The following CNTLN variants were observed in gnomAD, a reference collection of about 807,000 sequenced individuals.
The protein encoded by CNTLN is centlein.
CNTLN carries 212 observed loss-of-function variants against 180.0 expected under a neutral mutation model. That is an observed-to-expected ratio of 1.18 (90% CI 1.05 to 1.32). The LOEUF is 1.32. CNTLN is among the 40% of genes most tolerant of loss of function. The probability of loss-of-function intolerance (pLI) is 0.00; values close to 1 mark genes in which losing one functional copy is unlikely to be tolerated. For missense variants in CNTLN, 2,095 were observed against 1,610.9 expected (o/e 1.30, Z -5.14); for synonymous variants, 722 against 563.1 (o/e 1.28, Z -3.99).
intron 18 of CNTLN, 51 bp downstream of exon 18, chr9:17,416,240 A>G (rs1216057971): frequency 3.5e-6 from 5 of 1,439,594 alleles, no homozygotes; most frequent in East Asian, 2.3e-5. Context: ...GTAAAAGTGG[A>G]TATTTTGTTT....
intron 18 of CNTLN, among the ~76,000 whole-genome samples, chr9:17,422,295 C>T (rs112144571): frequency 2.7e-4 from 41 of 151,992 alleles, no homozygotes; most frequent in African/African-American, 7.5e-4. Context: ...TCTTTTTCTG[C>T]TCTTAGGATC....
At chr9:17,154,816 A>C (rs1351037026) in intron 2 of CNTLN, among the ~76,000 whole-genome samples, 1 of 152,212 alleles carries the variant, frequency 6.6e-6, no homozygotes, top group East Asian at 1.9e-4. Flanking sequence ...GGCGGGGCCA[A>C]ATAAGGGAAT....
intron 18 of CNTLN, among the ~76,000 whole-genome samples, chr9:17,454,115 A>ATAT (rs1167238530): frequency 6.6e-6 from 1 of 152,198 alleles, no homozygotes; most frequent in Non-Finnish European, 1.5e-5. Context: ...CTACCACAGG[A>ATAT]TATTATACTG....
intron 5 of CNTLN, among the ~76,000 whole-genome samples, chr9:17,263,151 C>G (rs1425681903): frequency 6.8e-6 from 1 of 147,554 alleles, no homozygotes; most frequent in Admixed American, 6.7e-5. Flanking sequence ...ATTAAGTCGT[C>G]ATTTAGCATT....
chr9:17,507,383 C>G (rs887704576), downstream of CNTLN, among the ~76,000 whole-genome samples: 1 of 152,074 alleles, frequency 6.6e-6, no homozygotes, highest in African/African-American at 2.4e-5. Context: ...TTTCTTTATC[C>G]AATCCACCAT....
At chr9:17,464,228 G>A (rs184651124) in intron 20 of CNTLN, among the ~76,000 whole-genome samples, 73 of 151,146 alleles carry the variant, frequency 4.8e-4, no homozygotes, top group African/African-American at 1.7e-3. Flanking sequence ...TTTCATAAGT[G>A]TTATTAATTT....
At chr9:17,150,424 TTG>T in intron 2 of CNTLN, among the ~76,000 whole-genome samples, 2 of 152,340 alleles carry the variant, frequency 1.3e-5, no homozygotes, top group Middle Eastern at 6.8e-3. Flanking sequence ...TCCCCATTGC[TTG>T]TGTGTGTCAG....
Position 17,416,055 on chromosome 9 carries a change from C to G in CNTLN, c.2980C>G (p.Gln994Glu), listed in dbSNP as rs778767378. The change falls in exon 18 of 26, where the codon CAA becomes GAA. Residue 994 changes from glutamine to glutamate, a missense_variant. Gln to Glu is a conservative substitution (Grantham distance 29). Coordinates refer to ENST00000380647, the MANE Select transcript of CNTLN (RefSeq NM_017738.4). ...AGAACGGATTATATCCTTGCAACAACAAAACAGTGTACTTCAGAATGCCAA... is the reference window on the plus strand; with the variant it reads ...AGAACGGATTATATCCTTGCAACAAGAAAACAGTGTACTTCAGAATGCCAA... ...LRERIISLQQ[Q>E]NSVLQNAKKT... 14 of 1,613,364 alleles carry G rather than the reference C, an allele frequency of 8.7e-6. No homozygotes were observed. The highest frequency in any genetic ancestry group is 4.5e-5 in the East Asian group (2 of 44,780).
intron 18 of CNTLN, among the ~76,000 whole-genome samples, chr9:17,437,964 A>G (rs1829874887): frequency 6.6e-6 from 1 of 152,196 alleles, no homozygotes. Flanking sequence ...AGTTGTGTGC[A>G]TTGAACAAAG....
intron 24 of CNTLN, among the ~76,000 whole-genome samples, chr9:17,484,992 T>C (rs1303216909): frequency 1.3e-5 from 2 of 152,164 alleles, no homozygotes; most frequent in Non-Finnish European, 2.9e-5. Context: ...AAAATACTTC[T>C]GTCTGAGTGA....
chr9:17,418,628 C>T (rs796691928), intron 18 of CNTLN, among the ~76,000 whole-genome samples: 14 of 151,592 alleles, frequency 9.2e-5, no homozygotes, highest in South Asian at 2.1e-4. Context: ...CCTATATGCT[C>T]GGTAAATATT....
intron 5 of CNTLN, among the ~76,000 whole-genome samples, chr9:17,249,863 T>C (rs1587334459): frequency 6.7e-6 from 1 of 149,778 alleles, no homozygotes; most frequent in African/African-American, 2.5e-5. Context: ...TGTTTTGGGA[T>C]AGAGTATTTC....
At chr9:17,161,728 T>A (rs1464362343) in intron 2 of CNTLN, among the ~76,000 whole-genome samples, 4 of 152,206 alleles carry the variant, frequency 2.6e-5, no homozygotes, top group African/African-American at 7.2e-5. Context: ...TTGTGAATAA[T>A]TTTGTAGACT....
At chr9:17,487,243 A>G in intron 25 of CNTLN, 177 bp downstream of exon 25, 6 of 592,128 alleles carry the variant, frequency 1.0e-5, no homozygotes, top group Non-Finnish European at 1.2e-5. Flanking sequence ...TTGGGACTTA[A>G]CAAATGAAAC....
intron 7 of CNTLN, among the ~76,000 whole-genome samples, chr9:17,305,028 GAGC>G (rs1382527238): frequency 6.6e-6 from 1 of 152,056 alleles, no homozygotes; most frequent in African/African-American, 2.4e-5. Flanking sequence ...GTGGATAACA[GAGC>G]ATATACATTT....
chr9:17,390,353 C>T (rs1388271539), intron 14 of CNTLN, among the ~76,000 whole-genome samples: 1 of 146,792 alleles, frequency 6.8e-6, no homozygotes, highest in South Asian at 2.2e-4. Context: ...ATTCTCGTGC[C>T]TCAGTCTCCC....
intron 13 of CNTLN, among the ~76,000 whole-genome samples, chr9:17,368,795 G>A (rs1241772405): frequency 6.6e-6 from 1 of 152,134 alleles, no homozygotes; most frequent in East Asian, 1.9e-4. Context: ...ACTGGACTTG[G>A]GGTGCCCACT....
At chr9:17,474,046 G>C (rs1161068362) in intron 23 of CNTLN, among the ~76,000 whole-genome samples, 3 of 152,006 alleles carry the variant, frequency 2.0e-5, no homozygotes, top group Non-Finnish European at 2.9e-5. Flanking sequence ...GAGTTTCCTA[G>C]GGTTCAGTCT....
intron 23 of CNTLN, among the ~76,000 whole-genome samples, chr9:17,474,647 T>C (rs1249387975): frequency 2.0e-5 from 3 of 152,026 alleles, no homozygotes; most frequent in Non-Finnish European, 4.4e-5. Context: ...GGTGGGTGGA[T>C]CACTTGAAGC....
Sources: allele counts gnomAD v4.1 joint callset (sites outside exome capture counted in the v4.1 genomes callset), GRCh38; gene constraint gnomAD v4.1.1; transcripts MANE v1.5; gene names NCBI Gene and HGNC (gene_info 2026-07-23, HGNC 2026-07-21).